Variants in MAN1A2 observed in about 807,000 individuals in gnomAD.
The protein encoded by MAN1A2 is mannosyl-oligosaccharide 1,2-alpha-mannosidase IB.
In MAN1A2, 26 loss-of-function variants were observed where a neutral mutation model predicts 75.7. The observed-to-expected ratio is 0.34, with a 90% CI of 0.25 to 0.48. The LOEUF is 0.48. Ranked by LOEUF, MAN1A2 falls within the 20% of genes least tolerant of loss-of-function variation. The probability of loss-of-function intolerance (pLI) is 0.99; values close to 1 mark genes in which losing one functional copy is unlikely to be tolerated. For synonymous variants in MAN1A2, 247 were observed against 264.6 expected (o/e 0.93, Z 0.65); for missense variants, 562 against 775.5 (o/e 0.72, Z 3.27).
chr1:117,429,922 T>G (rs1477685609), intron 5 of MAN1A2, among the ~76,000 whole-genome samples: 2 of 55,926 alleles, frequency 3.6e-5, no homozygotes, highest in East Asian at 6.0e-4. Context: ...CACTTCCCAG[T>G]AGGGGCGGCC....
intron 1 of MAN1A2, among the ~76,000 whole-genome samples, chr1:117,373,397 C>T (rs1653036345): frequency 6.6e-6 from 1 of 151,970 alleles, no homozygotes; most frequent in African/African-American, 2.4e-5. Flanking sequence ...TTCCCACTTC[C>T]CTTTACTCAG....
chr1:117,410,002 T>G (rs1647753854), intron 3 of MAN1A2, among the ~76,000 whole-genome samples: 1 of 151,990 alleles, frequency 6.6e-6, no homozygotes, highest in South Asian at 2.1e-4. Flanking sequence ...AAATAGTATA[T>G]AATATTTGCA....
At position 117,414,740 on chromosome 1, in the gene MAN1A2, T is replaced by G; in HGVS notation, c.683T>G (p.Val228Gly). The change falls in exon 4 of 13, where the codon GTA (valine) becomes GGA (glycine). Residue 228 changes from valine (V) to glycine (G), a missense_variant. Physicochemically the swap from Val to Gly is moderately radical, Grantham distance 109. Transcript: ENST00000356554. ...AGTTCACAAATGGGTGCTACCATAG[T>G]AGATGCTTTGGATACCCTTTATATC... ...FGSSQMGATI[V>G]DALDTLYIMG... The G allele has an allele frequency of 6.2e-7, 1 of 1,606,076 alleles. No individual in the cohort carries two copies. Among genetic ancestry groups the G allele is most frequent in the Non-Finnish European group, 8.5e-7 (1 of 1,173,550 alleles).
chr1:117,479,080 C>G (rs1309358567), intron 8 of MAN1A2, among the ~76,000 whole-genome samples: 2 of 151,928 alleles, frequency 1.3e-5, no homozygotes, highest in East Asian at 2.0e-4. Context: ...CTCCCTCCCC[C>G]TATACCTCCA....
chr1:117,485,430 A>G (rs1310553702), intron 8 of MAN1A2, among the ~76,000 whole-genome samples: 1 of 151,988 alleles, frequency 6.6e-6, no homozygotes, highest in Admixed American at 6.6e-5. Context: ...GCATAAACTC[A>G]TAATAATAAA....
At chr1:117,459,148 A>G (rs1226481337) in intron 6 of MAN1A2, among the ~76,000 whole-genome samples, 1 of 152,192 alleles carries the variant, frequency 6.6e-6, no homozygotes, top group Non-Finnish European at 1.5e-5. Flanking sequence ...AATAGAGGCC[A>G]TATCTAAAGT....
At chr1:117,493,399 A>G in intron 9 of MAN1A2, 137 bp downstream of exon 9, 1 of 512,044 alleles carries the variant, frequency 2.0e-6, no homozygotes, top group Non-Finnish European at 3.5e-6. Flanking sequence ...ATATGCATTC[A>G]CTGTAGAGTT....
intron 6 of MAN1A2, among the ~76,000 whole-genome samples, chr1:117,457,788 CA>C (rs1444271074): frequency 8.5e-5 from 13 of 152,136 alleles, no homozygotes; most frequent in African/African-American, 3.1e-4. Flanking sequence ...GACTTTCCAT[CA>C]CACTTAAAGA....
chr1:117,447,223 G>A (rs1440881220), intron 6 of MAN1A2, among the ~76,000 whole-genome samples: 3 of 151,966 alleles, frequency 2.0e-5, no homozygotes, highest in African/African-American at 7.2e-5. Context: ...TGACAATATT[G>A]ACATTTTACA....
chr1:117,409,584 T>C (rs574951591), intron 3 of MAN1A2, among the ~76,000 whole-genome samples: 28 of 152,072 alleles, frequency 1.8e-4, no homozygotes, highest in Non-Finnish European at 3.2e-4. Context: ...TTAGATCCCA[T>C]TGGTTAATGG....
chr1:117,453,662 T>A (rs1483153817), intron 6 of MAN1A2, among the ~76,000 whole-genome samples: 4 of 152,184 alleles, frequency 2.6e-5, no homozygotes, highest in Admixed American at 1.3e-4. Context: ...CTGGTGAAGA[T>A]GCTATGAACA....
Position 117,480,229 on chromosome 1 carries a change from A to G in MAN1A2, c.1169-12918A>G, listed in dbSNP as rs140558731. Among the ~76,000 whole-genome samples, 584 of 151,936 alleles carry G rather than the reference A, an allele frequency of 3.8e-3. 7 individuals are homozygous for G. The highest frequency in any genetic ancestry group is 0.013 in the African/African-American group (555 of 41,494). On this transcript the variant is annotated intron_variant, in intron 8 of 12. Transcript: ENST00000356554. ...GCACATTTGTTCTCTCTGGTATACT[A>G]TCCTATAAACTGTAGCTTCCCCAGT...
intron 1 of MAN1A2, among the ~76,000 whole-genome samples, chr1:117,376,156 C>A (rs1291061730): frequency 6.6e-6 from 1 of 152,166 alleles, no homozygotes; most frequent in Non-Finnish European, 1.5e-5. Flanking sequence ...GTGATCCGCC[C>A]GCCTCGGCCT....
intron 6 of MAN1A2, among the ~76,000 whole-genome samples, chr1:117,449,095 A>G (rs928461571): frequency 6.6e-6 from 1 of 152,104 alleles, no homozygotes; most frequent in African/African-American, 2.4e-5. Flanking sequence ...CTTAATCACT[A>G]AATGTTGTCT....
intron 12 of MAN1A2, among the ~76,000 whole-genome samples, chr1:117,522,445 G>C (rs556072400): frequency 3.3e-5 from 5 of 151,828 alleles, no homozygotes; most frequent in African/African-American, 1.2e-4. Context: ...ACTGGGAATA[G>C]AAGGAAACTT....
chr1:117,383,542 C>G (rs1199210657), intron 1 of MAN1A2, among the ~76,000 whole-genome samples: 1 of 152,128 alleles, frequency 6.6e-6, no homozygotes, highest in Non-Finnish European at 1.5e-5. Flanking sequence ...GTTAATCCTT[C>G]TTTAAAGATT....
At chr1:117,491,727 A>G (rs1358336984) in intron 8 of MAN1A2, among the ~76,000 whole-genome samples, 2 of 152,082 alleles carry the variant, frequency 1.3e-5, no homozygotes, top group East Asian at 3.9e-4. Flanking sequence ...AGGAGTCACT[A>G]TTCTAGATAC....
At chr1:117,482,283 G>C (rs1570779930) in intron 8 of MAN1A2, among the ~76,000 whole-genome samples, 2 of 151,970 alleles carry the variant, frequency 1.3e-5, no homozygotes, top group African/African-American at 4.8e-5. Flanking sequence ...GATCACTGAG[G>C]AATTGTGACA....
chr1:117,490,626 TAA>T (rs1303527803), intron 8 of MAN1A2, among the ~76,000 whole-genome samples: 1 of 151,960 alleles, frequency 6.6e-6, no homozygotes, highest in Non-Finnish European at 1.5e-5. Context: ...ATATTCCAAG[TAA>T]AAGAGTCATA....
Sources: gnomAD v4.1 joint callset for allele counts (sites outside exome capture counted in the v4.1 genomes callset) on GRCh38, gnomAD v4.1.1 for gene constraint, MANE v1.5 for transcripts, NCBI Gene and HGNC (gene_info 2026-07-23, HGNC 2026-07-21) for gene names.